The following KCNJ4 variants were observed in gnomAD, a reference collection of about 807,000 sequenced individuals.
KCNJ4 encodes potassium inwardly rectifying channel subfamily J member 4.
A neutral mutation model predicts 25.6 loss-of-function variants in KCNJ4; 3 were observed. That is an observed-to-expected ratio of 0.12 (90% CI 0.05 to 0.30). The LOEUF (loss-of-function observed/expected upper bound fraction) is 0.30. Ranked by LOEUF, KCNJ4 falls within the 10% of genes least tolerant of loss-of-function variation. The pLI, the probability that KCNJ4 is intolerant of heterozygous loss-of-function variation, is 1.00. For missense variants in KCNJ4, 286 were observed against 666.8 expected, an observed-to-expected ratio of 0.43 and a Z score of 6.29; for synonymous variants, 257 against 283.9, an observed-to-expected ratio of 0.91 and a Z score of 0.95.
chr22:38,433,141 T>C (rs2145935171), intron 1 of KCNJ4, among the ~76,000 whole-genome samples: 1 of 152,022 alleles, frequency 6.6e-6, no homozygotes, highest in East Asian at 2.0e-4. Flanking sequence ...CAGACTTTTC[T>C]TTTAATTTTT....
At chr22:38,448,818 C>T (rs1374450669) in intron 1 of KCNJ4, among the ~76,000 whole-genome samples, 2 of 152,130 alleles carry the variant, frequency 1.3e-5, no homozygotes, top group African/African-American at 4.8e-5. Context: ...AGCTGCTGGG[C>T]CAGGCTTGGT....
intron 1 of KCNJ4, among the ~76,000 whole-genome samples, chr22:38,436,981 C>T (rs2093067284): frequency 1.3e-5 from 2 of 152,202 alleles, no homozygotes; most frequent in African/African-American, 4.8e-5. Context: ...GTGCCAGGTT[C>T]TGTGAAGTCA....
chr22:38,447,516 T>C (rs969498190), intron 1 of KCNJ4, among the ~76,000 whole-genome samples: 1 of 152,062 alleles, frequency 6.6e-6, no homozygotes, highest in Non-Finnish European at 1.5e-5. Flanking sequence ...GGCTGAGTGG[T>C]ACCTTCACAC....
chr22:38,447,876 C>T (rs934470572), intron 1 of KCNJ4, among the ~76,000 whole-genome samples: 3 of 151,846 alleles, frequency 2.0e-5, no homozygotes, highest in Non-Finnish European at 2.9e-5. Flanking sequence ...CCAGCCTGAC[C>T]AACATGGTGA....
intron 1 of KCNJ4, among the ~76,000 whole-genome samples, chr22:38,442,260 G>T (rs910792900): frequency 2.0e-5 from 3 of 152,130 alleles, no homozygotes; most frequent in Non-Finnish European, 4.4e-5. Context: ...CATTCATAAG[G>T]TTGTGTGGCC....
intron 1 of KCNJ4, among the ~76,000 whole-genome samples, chr22:38,431,827 A>G (rs1316333315): frequency 6.6e-6 from 1 of 152,144 alleles, no homozygotes; most frequent in Non-Finnish European, 1.5e-5. Context: ...TCATGTGACA[A>G]CCACCAGGAG....
At chr22:38,442,731 T>C (rs974993839) in intron 1 of KCNJ4, among the ~76,000 whole-genome samples, 2 of 152,086 alleles carry the variant, frequency 1.3e-5, no homozygotes, top group Non-Finnish European at 2.9e-5. Context: ...AACTGTAAAG[T>C]GCAGAAGCCT....
At chr22:38,445,835 G>A (rs1041036901) in intron 1 of KCNJ4, among the ~76,000 whole-genome samples, 26 of 152,214 alleles carry the variant, frequency 1.7e-4, no homozygotes, top group African/African-American at 6.3e-4. Context: ...TGGGGGTTAG[G>A]AGCGGTGAAA....
intron 1 of KCNJ4, among the ~76,000 whole-genome samples, chr22:38,446,950 A>G (rs1365136409): frequency 3.4e-3 from 309 of 90,524 alleles, no homozygotes; most frequent in African/African-American, 0.014. Flanking sequence ...GCGAGACTCC[A>G]TCTCAAAAAA....
chr22:38,437,794 G>C (rs947784785), intron 1 of KCNJ4, among the ~76,000 whole-genome samples: 1 of 152,184 alleles, frequency 6.6e-6, no homozygotes, highest in African/African-American at 2.4e-5. Flanking sequence ...ATATCTTTGT[G>C]GAAGTGGGGT....
chr22:38,447,436 T>G (rs1323977102), intron 1 of KCNJ4, among the ~76,000 whole-genome samples: 2 of 152,174 alleles, frequency 1.3e-5, no homozygotes, highest in Non-Finnish European at 2.9e-5. Context: ...CTCTCCAGCC[T>G]GTGCCCACCA....
At chr22:38,434,517 AG>A in intron 1 of KCNJ4, among the ~76,000 whole-genome samples, 1 of 152,228 alleles carries the variant, frequency 6.6e-6, no homozygotes, top group East Asian at 1.9e-4. Context: ...CGGGGGGTTG[AG>A]GGGTGATGCT....
intron 1 of KCNJ4, among the ~76,000 whole-genome samples, chr22:38,429,307 G>A (rs2093042408): frequency 6.6e-6 from 1 of 152,132 alleles, no homozygotes; most frequent in Non-Finnish European, 1.5e-5. Flanking sequence ...TGACTCCTCT[G>A]TAGACATCGC....
intron 1 of KCNJ4, among the ~76,000 whole-genome samples, chr22:38,441,619 C>A (rs946071286): frequency 6.6e-6 from 1 of 152,034 alleles, no homozygotes; most frequent in East Asian, 1.9e-4. Flanking sequence ...CTGGGATGCT[C>A]GGCTGGCCCC....
Position 38,427,984 on chromosome 22 carries a change from C to T in KCNJ4, c.149G>A (p.Cys50Tyr). ...QRYMADIFTT[C>Y]VDTRWRYMLM... ...CATGTAGCGCCAGCGCGTGTCCACG[C>T]AGGTGGTGAAGATGTCCGCCATGTA... The change falls in exon 2 of 2, where the codon TGC (cysteine) becomes TAC (tyrosine). Residue 50 changes from cysteine to tyrosine, a missense_variant. Cys to Tyr is a radical substitution (Grantham distance 194). Coordinates refer to ENST00000303592, the MANE Select transcript of KCNJ4 (RefSeq NM_152868.3). 1 of 1,614,220 alleles carries T rather than the reference C, an allele frequency of 6.2e-7. No homozygotes were observed. Among genetic ancestry groups the T allele is most frequent in the Non-Finnish European group, 8.5e-7 (1 of 1,180,018 alleles).
At position 38,430,678 on chromosome 22, in the gene KCNJ4, G is replaced by T. The variant is rs533476786; in HGVS notation, c.-39-2507C>A. 2.0e-5 allele frequency among the ~76,000 whole-genome samples: 3 copies of T among 152,320 alleles called. No homozygotes were observed. The East Asian group carries it at 5.8e-4, about 29-fold the overall frequency. ...CAGGGCTCCAGGAGAAAGGCTTGGGGTTCTGGGGCCAGGCACACCTTCTGC... is the reference window on the plus strand; with the variant it reads ...CAGGGCTCCAGGAGAAAGGCTTGGGTTTCTGGGGCCAGGCACACCTTCTGC... On this transcript the variant is annotated intron_variant, in intron 1 of 1. Transcript: ENST00000303592.
Position 38,443,233 on chromosome 22 carries a change from T to A in KCNJ4, c.-40+11747A>T, listed in dbSNP as rs76037731. On this transcript the variant is annotated intron_variant, in intron 1 of 1. Coordinates refer to ENST00000303592, the MANE Select transcript of KCNJ4 (RefSeq NM_152868.3). The surrounding 1 kb of genome is among the most constrained non-coding windows in gnomAD (Gnocchi z 4.1). ...AGGTCGCCCCTTGCTCTCCTGCCTC[T>A]GGCCTCTCCATGACCCACACCGTGC... Among the ~76,000 whole-genome samples the A allele has an allele frequency of 0.017, 2,544 of 152,194 alleles. 89 individuals are homozygous for A. The highest frequency in any genetic ancestry group is 0.13 in the East Asian group (650 of 5,174).
In KCNJ4 at chr22:38,426,980, C is replaced by G. The variant is rs758539629; in HGVS notation, c.1153G>C (p.Glu385Gln). The G allele has an allele frequency of 6.2e-7, 1 of 1,612,714 alleles. No homozygotes were observed. The highest frequency in any genetic ancestry group is 8.5e-7 in the Non-Finnish European group (1 of 1,179,886). The change falls in exon 2 of 2, where the codon GAG becomes CAG. Residue 385 changes from glutamate to glutamine, a missense_variant. By Grantham distance (29) the Glu-to-Gln change is conservative. This residue lies in a region of KCNJ4 where 77 missense variants were observed against 97.6 expected (regional missense o/e 0.79). Coordinates refer to ENST00000303592, the MANE Select transcript of KCNJ4 (RefSeq NM_152868.3). ...GCAGCTGCCTCCTCCTCCATCTCCT[C>G]TTCCTCCTGGCTCATAAGGGCCAGC... The part of the protein sequence containing the change: ...NELALMSQEE[E>Q]EMEEEAAAAA...
intron 1 of KCNJ4, among the ~76,000 whole-genome samples, chr22:38,436,925 A>G (rs1445854117): frequency 6.6e-6 from 1 of 152,174 alleles, no homozygotes; most frequent in Non-Finnish European, 1.5e-5. Context: ...TCGAAGAAAT[A>G]CTGTCACACG....
Sources: gnomAD v4.1 joint callset for allele counts (sites outside exome capture counted in the v4.1 genomes callset) on GRCh38, gnomAD v4.1.1 for gene constraint, gnomAD v4.1.1 regional missense constraint, Gnocchi (gnomAD v3.1) non-coding constraint, MANE v1.5 for transcripts, NCBI Gene and HGNC (gene_info 2026-07-23, HGNC 2026-07-21) for gene names.